Variants in MCC observed in about 807,000 individuals in gnomAD.
MCC encodes colorectal mutant cancer protein.
Under a neutral mutation model 116.2 loss-of-function variants are expected in MCC, and 90 were observed. The ratio of observed to expected loss-of-function variants is 0.77; its 90% confidence interval spans 0.65 to 0.92. The LOEUF is 0.92. Among genes scored for constraint, MCC ranks in the 40% least tolerant of loss-of-function variants. MCC has a pLI of 0.00. For synonymous variants in MCC, 578 were observed against 510.5 expected, an observed-to-expected ratio of 1.13 and a Z score of -1.78; for missense variants, 1,516 against 1,312.2, an observed-to-expected ratio of 1.16 and a Z score of -2.40.
At chr5:113,289,304 GGGTAACACA>G (rs1257136181) in intron 3 of MCC, among the ~76,000 whole-genome samples, 2 of 149,886 alleles carry the variant, frequency 1.3e-5, no homozygotes, top group Admixed American at 6.6e-5. Context: ...ACTCTAGCCT[GGGTAACACA>G]GAGAGGCTCC....
At chr5:113,142,705 T>A (rs990499782) in intron 5 of MCC, among the ~76,000 whole-genome samples, 1 of 152,198 alleles carries the variant, frequency 6.6e-6, no homozygotes, top group African/African-American at 2.4e-5. Flanking sequence ...GTAGAGCAAT[T>A]TGAGGTAAGC....
At chr5:113,242,949 GATC>G (rs1468374425) in intron 3 of MCC, among the ~76,000 whole-genome samples, 1 of 152,218 alleles carries the variant, frequency 6.6e-6, no homozygotes, top group Non-Finnish European at 1.5e-5. Flanking sequence ...GTGAGAGCGA[GATC>G]ATCAGGCAAA....
At chr5:113,426,590 G>A (rs577211359) in intron 1 of MCC, among the ~76,000 whole-genome samples, 20 of 152,274 alleles carry the variant, frequency 1.3e-4, no homozygotes, top group South Asian at 2.1e-4. Context: ...CAACACCTGC[G>A]TGGGTAGAAT....
chr5:113,181,797 A>G (rs1761641411), intron 3 of MCC, among the ~76,000 whole-genome samples: 2 of 152,212 alleles, frequency 1.3e-5, no homozygotes, highest in African/African-American at 4.8e-5. Flanking sequence ...GAAAAAAAGA[A>G]AGAAAACAAG....
chr5:113,364,238 G>GAAAAAAAAAAAAAAAAAAAAAAA (rs60976854), intron 2 of MCC, among the ~76,000 whole-genome samples: 1 of 49,432 alleles, frequency 2.0e-5, no homozygotes, highest in Non-Finnish European at 3.6e-5. Flanking sequence ...CTCAAAAACA[G>GAAAAAAAAAAAAAAAAAAAAAAA]AAAAAAAAAA....
At chr5:113,326,251 G>C (rs1767549419) in intron 3 of MCC, among the ~76,000 whole-genome samples, 1 of 152,150 alleles carries the variant, frequency 6.6e-6, no homozygotes. Context: ...GAAAAGTTAG[G>C]ACACATAACA....
At chr5:113,160,222 C>T (rs550877561) in intron 3 of MCC, among the ~76,000 whole-genome samples, 3 of 152,322 alleles carry the variant, frequency 2.0e-5, no homozygotes, top group East Asian at 3.9e-4. Flanking sequence ...TAAAGCCACA[C>T]CTCCCCTTCT....
At chr5:113,452,601 A>G (rs1395136956) in intron 1 of MCC, among the ~76,000 whole-genome samples, 1 of 152,202 alleles carries the variant, frequency 6.6e-6, no homozygotes, top group Non-Finnish European at 1.5e-5. Context: ...ACTGTGACAC[A>G]TTTCTGTCTT....
intron 3 of MCC, among the ~76,000 whole-genome samples, chr5:113,263,250 T>C (rs17135515): frequency 0.098 from 14,866 of 152,136 alleles, 1,141 homozygotes; most frequent in Admixed American, 0.25. Context: ...TTGGAGAAGA[T>C]TGCAGCTAAA....
At chr5:113,470,815 A>G (rs1772066329) in intron 1 of MCC, among the ~76,000 whole-genome samples, 1 of 152,150 alleles carries the variant, frequency 6.6e-6, no homozygotes, top group Non-Finnish European at 1.5e-5. Flanking sequence ...TTTCAGGTAT[A>G]CCAATCAGAT....
intron 11 of MCC, among the ~76,000 whole-genome samples, chr5:113,076,957 G>C (rs979371558): frequency 3.9e-5 from 6 of 152,194 alleles, no homozygotes; most frequent in Admixed American, 2.0e-4. Flanking sequence ...AAGGCATGGA[G>C]GAAGATCTAC....
At chr5:113,377,014 C>T (rs1278962799) in intron 2 of MCC, among the ~76,000 whole-genome samples, 1 of 152,156 alleles carries the variant, frequency 6.6e-6, no homozygotes, top group Admixed American at 6.5e-5. Flanking sequence ...GGCTGTAAGA[C>T]TTGGGCTGCT....
intron 3 of MCC, among the ~76,000 whole-genome samples, chr5:113,209,413 G>T (rs758628632): frequency 6.6e-6 from 1 of 152,150 alleles, no homozygotes; most frequent in East Asian, 1.9e-4. Context: ...GGTGCCGATG[G>T]CAATTCCACT....
At chr5:113,038,711 A>G (rs6594658) in intron 17 of MCC, among the ~76,000 whole-genome samples, 148,646 of 151,994 alleles carry the variant, frequency 0.98, 72,694 homozygotes, top group East Asian at 1. Context: ...CTGACCAGAC[A>G]AGGCCCTCCT....
intron 3 of MCC, among the ~76,000 whole-genome samples, chr5:113,339,491 T>C (rs1581411147): frequency 6.6e-6 from 1 of 151,534 alleles, no homozygotes; most frequent in African/African-American, 2.4e-5. Flanking sequence ...CAGGATCCCA[T>C]TGAGGATATG....
At chr5:113,370,372 T>C (rs1278303888) in intron 2 of MCC, among the ~76,000 whole-genome samples, 2 of 152,190 alleles carry the variant, frequency 1.3e-5, no homozygotes, top group African/African-American at 2.4e-5. Context: ...AGTGACACCA[T>C]TATAGAAGAT....
chr5:113,375,509 G>C (rs1267629397), intron 2 of MCC, among the ~76,000 whole-genome samples: 1 of 152,150 alleles, frequency 6.6e-6, no homozygotes, highest in Non-Finnish European at 1.5e-5. Flanking sequence ...CGTGATTCTG[G>C]GGGTCAACAA....
At chr5:113,128,471 AAG>A (rs1401169036) in intron 5 of MCC, among the ~76,000 whole-genome samples, 1 of 152,214 alleles carries the variant, frequency 6.6e-6, no homozygotes, top group Non-Finnish European at 1.5e-5. Context: ...AGTTCTCTGA[AAG>A]AATCTATTAC....
chr5:113,299,767 A>G (rs1193529831), intron 3 of MCC, among the ~76,000 whole-genome samples: 1 of 152,204 alleles, frequency 6.6e-6, no homozygotes, highest in Non-Finnish European at 1.5e-5. Flanking sequence ...TTAAGCTCCT[A>G]TGGAGAGGTG....
Sources: gnomAD v4.1 joint callset for allele counts (sites outside exome capture counted in the v4.1 genomes callset) on GRCh38, gnomAD v4.1.1 for gene constraint, MANE v1.5 for transcripts, NCBI Gene and HGNC (gene_info 2026-07-23, HGNC 2026-07-21) for gene names.